Variants in VWF observed in about 807,000 individuals in gnomAD.
The protein encoded by VWF is von Willebrand factor.
In VWF, 176 loss-of-function variants were observed where a neutral mutation model predicts 308.6. The observed-to-expected ratio is 0.57, with a 90% CI of 0.50 to 0.65. VWF has a LOEUF of 0.65. VWF is among the 30% of genes least tolerant of loss of function. The probability of loss-of-function intolerance (pLI) is 0.00; values close to 1 mark genes in which losing one functional copy is unlikely to be tolerated. For missense variants in VWF, 3,146 were observed against 3,648.2 expected, an observed-to-expected ratio of 0.86 and a Z score of 3.55; for synonymous variants, 1,385 against 1,443.4, an observed-to-expected ratio of 0.96 and a Z score of 0.92.
chr12:6,076,960 A>G (rs559333205), intron 6 of VWF, among the ~76,000 whole-genome samples: 2 of 152,336 alleles, frequency 1.3e-5, no homozygotes, highest in South Asian at 2.1e-4. Flanking sequence ...TCTAGCCCCA[A>G]TGCCTGGTGC....
intron 16 of VWF, among the ~76,000 whole-genome samples, chr12:6,047,067 C>T (rs1332576085): frequency 6.6e-6 from 1 of 152,178 alleles, no homozygotes; most frequent in Non-Finnish European, 1.5e-5. Flanking sequence ...CTCCACTCTT[C>T]TAGAAAAAAA....
rs146334292 is a variant in VWF, at chr12:6,048,649, G to T, written c.2187-1832C>A. 8.3e-4 allele frequency among the ~76,000 whole-genome samples: 127 copies of T among 152,104 alleles called. No individual in the cohort carries two copies. The Middle Eastern group carries it at 0.01, about 12-fold the overall frequency. On this transcript the variant is annotated intron_variant, in intron 16 of 51. Transcript: ENST00000261405. ...AGCTAATTTTTGTATGTTTAGTGGA[G>T]ACAGGGTTTCACCATGTTGACCAGG...
In VWF at chr12:6,021,914, C is replaced by T; in HGVS notation, c.3660G>A (p.Glu1220=). 6.2e-7 allele frequency: 1 copy of T among 1,614,198 alleles called. No homozygotes were observed. Among genetic ancestry groups the T allele is most frequent in the East Asian group, 2.2e-5 (1 of 44,876 alleles). Residue 1220 remains glutamate (E), a synonymous_variant, in exon 27 of 52, where the codon GAG becomes GAA. Transcript: ENST00000261405. The part of the protein sequence containing the change: ...KKVTLNPSDP[E]HCQICHCDVV... ...ATCTGTTTTACCAAATCTGGCAGTGCTCAGGGTCACTGGGATTCAAGGTGA... is the reference window on the plus strand; with the variant it reads ...ATCTGTTTTACCAAATCTGGCAGTGTTCAGGGTCACTGGGATTCAAGGTGA...
intron 3 of VWF, among the ~76,000 whole-genome samples, chr12:6,112,765 C>A (rs1352368477): frequency 6.6e-6 from 1 of 151,938 alleles, no homozygotes; most frequent in East Asian, 1.9e-4. Context: ...GAGGAAGAGT[C>A]CCCAGCAGGG....
intron 17 of VWF, among the ~76,000 whole-genome samples, chr12:6,045,101 G>A (rs1419854159): frequency 1.3e-5 from 2 of 152,276 alleles, no homozygotes; most frequent in South Asian, 2.1e-4. Flanking sequence ...CCACTAGAAC[G>A]CATGTTCCAT....
Position 6,121,358 on chromosome 12 carries a change from G to T in VWF, c.56-20C>A, listed in dbSNP as rs1186756420. On this transcript the variant is annotated intron_variant, in intron 2 of 51. Transcript: ENST00000261405. ...GGGTCCCTGGAGGGAGAGGCCACAG[G>T]TTGGGCTGGTGATCTCAGGGCACAA... 16 of 1,612,810 alleles carry T rather than the reference G, an allele frequency of 9.9e-6. No homozygotes were observed. The highest frequency in any genetic ancestry group is 1.4e-5 in the Non-Finnish European group (16 of 1,179,548).
chr12:5,982,207 G>A (rs1289933283), intron 41 of VWF, among the ~76,000 whole-genome samples: 1 of 152,176 alleles, frequency 6.6e-6, no homozygotes, highest in Non-Finnish European at 1.5e-5. Flanking sequence ...TGTGAAGCTA[G>A]GAACTCTAAT....
At position 6,018,666 on chromosome 12, in the gene VWF, G is replaced by T. The variant is rs1475440343; in HGVS notation, c.4752C>A (p.Tyr1584Ter). ...TGACCAAGAAGCTGTGGTCAGAGAG[G>T]TACCGCAGGGCCAGCCCAGTGTTGG... ...NRTNTGLALR[Y>*]LSDHSFLVSQ... is the part of the protein sequence containing the mutation. The change falls in exon 28 of 52, where the codon TAC becomes TAA. Residue 1584 changes from tyrosine to a stop codon, truncating the protein, a stop_gained. Coordinates refer to ENST00000261405, the MANE Select transcript of VWF (RefSeq NM_000552.5). LOFTEE classifies it high-confidence loss of function. 6.2e-7 allele frequency: 1 copy of T among 1,613,850 alleles called. No homozygotes were observed. Among genetic ancestry groups the T allele is most frequent in the Non-Finnish European group, 8.5e-7 (1 of 1,179,840 alleles).
Position 6,023,661 on chromosome 12 carries a change from C to A in VWF, c.3349G>T (p.Val1117Leu). The change falls in exon 25 of 52, where the codon GTG becomes TTG. Residue 1117 changes from valine (V) to leucine (L), a missense_variant. Transcript: ENST00000261405. ...YAHVCAQHGKVVTWRTATLCP... is the reference protein window; with the variant it reads ...YAHVCAQHGKLVTWRTATLCP... Reference sequence around the variant, plus strand: ...AATGTGGCCGTCCTCCAGGTCACCACCTTGCCATGCTGGGCACACACGTGG... The same window carrying A: ...AATGTGGCCGTCCTCCAGGTCACCAACTTGCCATGCTGGGCACACACGTGG... The A allele has an allele frequency of 6.2e-7, 1 of 1,613,892 alleles. No homozygotes were observed. The highest frequency in any genetic ancestry group is 8.5e-7 in the Non-Finnish European group (1 of 1,180,014).
intron 38 of VWF, among the ~76,000 whole-genome samples, chr12:5,989,983 G>C (rs1423444650): frequency 1.3e-5 from 2 of 152,202 alleles, no homozygotes; most frequent in African/African-American, 4.8e-5. Context: ...AAATCAAGGA[G>C]AGGAATATAA....
rs1945467806 is a variant in VWF, at chr12:6,124,629, C to T, written c.-209G>A. 6.6e-6 allele frequency: 1 copy of T among 152,334 alleles called. No individual in the cohort carries two copies. The highest frequency in any genetic ancestry group is 2.4e-5 in the African/African-American group (1 of 41,468). The allele number at this position is 152,334 out of a possible 1,614,324, so 9.4% of individuals were successfully genotyped here. ...GGAGATAAAGCCCAAGCTGTGACAT[C>T]CACCAACCACCCTCCCTTTCCCACC... is the stretch of plus-strand genomic sequence containing the variant. On this transcript the variant is annotated 5_prime_UTR_variant, in exon 1 of 52. Coordinates refer to ENST00000261405, the MANE Select transcript of VWF (RefSeq NM_000552.5).
chr12:6,027,631 G>A (rs536080384), intron 22 of VWF, among the ~76,000 whole-genome samples: 2 of 152,208 alleles, frequency 1.3e-5, no homozygotes, highest in South Asian at 4.2e-4. Flanking sequence ...GAATATGGAG[G>A]ATGGGGCCAC....
Position 5,969,348 on chromosome 12 carries a change from T to C in VWF, c.7592A>G (p.Asn2531Ser), listed in dbSNP as rs757011174. Residue 2531 changes from asparagine (N) to serine (S), a missense_variant, in exon 45 of 52, where the codon AAT (asparagine) becomes AGT (serine). Physicochemically the swap from Asn to Ser is conservative, Grantham distance 46. Around this residue, in one of 3 missense-constraint regions of VWF, gnomAD observed 989 missense variants for 1,117.4 expected, o/e 0.89. Coordinates refer to ENST00000261405, the MANE Select transcript of VWF (RefSeq NM_000552.5). ...CTCCTCCTTCACTCGGACACACTCA[T>C]TGATGAGGCAGGGGTTCTCCGGGGA... The part of the protein sequence containing the change: ...WASPENPCLI[N>S]ECVRVKEEVF... 6 of 1,614,184 alleles carry C rather than the reference T, an allele frequency of 3.7e-6. No individual in the cohort carries two copies. In the Admixed American group the frequency reaches 6.7e-5, roughly 18 times the overall value.
intron 11 of VWF, 31 bp downstream of exon 11, chr12:6,065,106 C>T: frequency 9.9e-6 from 16 of 1,613,926 alleles, no homozygotes; most frequent in Non-Finnish European, 1.2e-5. Flanking sequence ...TGGGCTACCA[C>T]CCGACCAGCA....
At chr12:6,030,839 C>G (rs1565836386) in intron 21 of VWF, among the ~76,000 whole-genome samples, 1 of 152,086 alleles carries the variant, frequency 6.6e-6, no homozygotes. Context: ...ACCAGCCTGG[C>G]CAACATGGCG....
chr12:6,050,263 C>T (rs1220803648), intron 16 of VWF, among the ~76,000 whole-genome samples: 1 of 152,226 alleles, frequency 6.6e-6, no homozygotes, highest in Non-Finnish European at 1.5e-5. Context: ...AAACATCCCA[C>T]TAGTCCATCT....
intron 43 of VWF, among the ~76,000 whole-genome samples, chr12:5,973,181 G>C (rs1389054774): frequency 2.6e-5 from 4 of 152,094 alleles, no homozygotes; most frequent in Non-Finnish European, 1.5e-5. Context: ...TGCACAACCA[G>C]GGTCCAACCT....
At chr12:6,073,897 C>T (rs1380479205) in intron 7 of VWF, among the ~76,000 whole-genome samples, 156 bp from the exon 8 acceptor site, 1 of 152,146 alleles carries the variant, frequency 6.6e-6, no homozygotes, top group Non-Finnish European at 1.5e-5. Context: ...AGCCACGTGC[C>T]CCCCTGAGGC....
chr12:6,079,783 A>G (rs890323148), intron 6 of VWF, among the ~76,000 whole-genome samples: 1 of 152,082 alleles, frequency 6.6e-6, no homozygotes, highest in Non-Finnish European at 1.5e-5. Flanking sequence ...AAGTCTAACT[A>G]TGTATGTCCC....
Sources: gnomAD v4.1 joint callset for allele counts (sites outside exome capture counted in the v4.1 genomes callset) on GRCh38, gnomAD v4.1.1 for gene constraint, gnomAD v4.1.1 regional missense constraint, MANE v1.5 for transcripts, NCBI Gene and HGNC (gene_info 2026-07-23, HGNC 2026-07-21) for gene names.